STOM: variants seen among roughly 807,000 people sequenced by gnomAD.
STOM encodes the protein stomatin.
Under a neutral mutation model 30.6 loss-of-function variants are expected in STOM, and 25 were observed. That is an observed-to-expected ratio of 0.82 (90% CI 0.60 to 1.14). The LOEUF (loss-of-function observed/expected upper bound fraction) is 1.14, where lower values mean the gene tolerates loss of function less well. Among genes scored for constraint, STOM ranks in the 50% most tolerant of loss-of-function variants. STOM has a pLI of 0.00. For synonymous variants in STOM, 118 were observed against 130.8 expected, an observed-to-expected ratio of 0.90 and a Z score of 0.67; for missense variants, 292 against 365.2, an observed-to-expected ratio of 0.80 and a Z score of 1.63.
chr9:121,340,196 A>G lies in STOM; in HGVS notation c.*1006T>C. The G allele has an allele frequency of 1.0e-6, 1 of 985,474 alleles. No individual in the cohort carries two copies. Among genetic ancestry groups the G allele is most frequent in the South Asian group, 4.7e-5 (1 of 21,288 alleles). 61.0% of individuals were successfully genotyped at this position (985,474 alleles called of 1,614,324 possible). ...ATTTAGCTGGTTTGAAAGACAGAAC[A>G]AGGAGGAATCATTTACTCATAAAGA... is the stretch of plus-strand genomic sequence containing the variant. On this transcript the variant is annotated 3_prime_UTR_variant, in exon 7 of 7. Transcript: ENST00000286713.
intron 4 of STOM, among the ~76,000 whole-genome samples, chr9:121,350,029 T>A (rs906016766): frequency 6.6e-6 from 1 of 152,268 alleles, no homozygotes; most frequent in Non-Finnish European, 1.5e-5. Context: ...ATTAATGCGT[T>A]AAATACATTC....
intron 4 of STOM, among the ~76,000 whole-genome samples, chr9:121,352,592 T>C (rs1437261950): frequency 6.6e-6 from 1 of 152,222 alleles, no homozygotes; most frequent in African/African-American, 2.4e-5. Context: ...ACTGTAATAG[T>C]AACAGTAAGA....
chr9:121,369,300 T>C (rs1436161891), intron 1 of STOM, among the ~76,000 whole-genome samples: 1 of 152,176 alleles, frequency 6.6e-6, no homozygotes, highest in Non-Finnish European at 1.5e-5. Context: ...TGAAATTCCA[T>C]CTTTAGAAAC....
At chr9:121,352,952 G>T (rs1289249851) in intron 4 of STOM, among the ~76,000 whole-genome samples, 1 of 152,074 alleles carries the variant, frequency 6.6e-6, no homozygotes, top group Non-Finnish European at 1.5e-5. Flanking sequence ...AATTAGCCGG[G>T]CGTGGTGGCG....
At position 121,356,073 on chromosome 9, in the gene STOM, A is replaced by C; in HGVS notation, c.145T>G (p.Ser49Ala). The C allele has an allele frequency of 6.2e-7, 1 of 1,614,092 alleles. No individual in the cohort carries two copies. The highest frequency in any genetic ancestry group is 8.5e-7 in the Non-Finnish European group (1 of 1,179,984). Reference sequence around the variant, plus strand: ...TTTACCTTTATGCACATCCATATTGAGATTGGGAAAGTTATAACGGTGAAT... The same window carrying C: ...TTTACCTTTATGCACATCCATATTGCGATTGGGAAAGTTATAACGGTGAAT... ...FLFTVITFPI[S>A]IWMCIKIIKE... Residue 49 changes from serine (S) to alanine (A), a missense_variant, in exon 2 of 7, where the codon TCA (serine) becomes GCA (alanine). By Grantham distance (99) the Ser-to-Ala change is moderately conservative. Transcript: ENST00000286713.
Position 121,356,077 on chromosome 9 carries a change from T to G in STOM, c.141A>C (p.Pro47=), listed in dbSNP as rs766789820. ...FSFLFTVITF[P]ISIWMCIKII... ...CCTTTATGCACATCCATATTGAGAT[T>G]GGGAAAGTTATAACGGTGAATAAGA... Residue 47 remains proline (P), a synonymous_variant, in exon 2 of 7, where the codon CCA becomes CCC. Transcript: ENST00000286713. 6.2e-6 allele frequency: 10 copies of G among 1,614,082 alleles called. No individual in the cohort carries two copies. Among genetic ancestry groups the G allele is most frequent in the South Asian group, 1.1e-5 (1 of 91,082 alleles).
chr9:121,342,312 C>T (rs1284707903), intron 6 of STOM, among the ~76,000 whole-genome samples: 10 of 150,320 alleles, frequency 6.7e-5, no homozygotes, highest in African/African-American at 1.5e-4. Context: ...TGCAGTGAGC[C>T]GAGATCATGC....
At chr9:121,362,721 T>C (rs1378785212) in intron 1 of STOM, among the ~76,000 whole-genome samples, 1 of 152,216 alleles carries the variant, frequency 6.6e-6, no homozygotes, top group Non-Finnish European at 1.5e-5. Flanking sequence ...TTTACAAAAA[T>C]CTGTGAAGTA....
Position 121,340,055 on chromosome 9 carries a change from G to A in STOM, c.*1147C>T, listed in dbSNP as rs1027222932. The A allele has an allele frequency of 1.0e-6, 1 of 972,858 alleles. No individual in the cohort carries two copies. Among genetic ancestry groups the A allele is most frequent in the East Asian group, 1.1e-4 (1 of 8,774 alleles). The allele number at this position is 972,858 out of a possible 1,614,324, so 60.3% of individuals were successfully genotyped here. ...TTTTAGTCCTTCAGCTATTCAAATA[G>A]ATATATAACAATTGCATATAGAACG... On this transcript the variant is annotated 3_prime_UTR_variant, in exon 7 of 7. Coordinates refer to ENST00000286713, the MANE Select transcript of STOM (RefSeq NM_004099.6).
At chr9:121,357,182 T>C (rs1006067440) in intron 1 of STOM, among the ~76,000 whole-genome samples, 1 of 152,028 alleles carries the variant, frequency 6.6e-6, no homozygotes, top group East Asian at 1.9e-4. Context: ...TTACACAGGT[T>C]GTTTGATTTC....
intron 1 of STOM, chr9:121,366,160 A>C (rs185651136): frequency 1.0e-6 from 1 of 985,358 alleles, no homozygotes; most frequent in Admixed American, 6.1e-5. Context: ...TATAGTTTTC[A>C]TTGTCTGAGA....
At chr9:121,369,975 T>C in intron 1 of STOM, 152 bp downstream of exon 1, 1 of 673,590 alleles carries the variant, frequency 1.5e-6, no homozygotes, top group Non-Finnish European at 2.5e-6. Flanking sequence ...GGGTTCGTGA[T>C]GCTCAGTTTA....
chr9:121,348,167 G>A lies in STOM; in HGVS notation c.526-18C>T, dbSNP rs2064306321. On this transcript the variant is annotated intron_variant, in intron 5 of 6. Transcript: ENST00000286713. The stretch of plus-strand genomic sequence containing the variant: ...AGAGTAGACTGTTAGGAAGAGAGAA[G>A]GCAAGCTAAATCTCCTCAGCCCAGC... The A allele has an allele frequency of 1.2e-6, 2 of 1,614,018 alleles. No individual in the cohort carries two copies. Among genetic ancestry groups the A allele is most frequent in the Middle Eastern group, 1.7e-4 (1 of 6,042 alleles).
At chr9:121,363,307 C>T (rs142519466) in intron 1 of STOM, among the ~76,000 whole-genome samples, 37 of 152,260 alleles carry the variant, frequency 2.4e-4, no homozygotes, top group African/African-American at 8.9e-4. Context: ...TGCAGCAGCA[C>T]TTTTTAGGGG....
rs2064241353 is a variant in STOM at position 121,341,016 on chromosome 9, A to G, written c.*186T>C. The G allele has an allele frequency of 7.0e-7, 1 of 1,433,668 alleles. No individual in the cohort carries two copies. Among genetic ancestry groups the G allele is most frequent in the African/African-American group, 1.4e-5 (1 of 69,578 alleles). The allele number at this position is 1,433,668 out of a possible 1,614,324, so 88.8% of individuals were successfully genotyped here. A position where few individuals can be genotyped will look rare whatever the true frequency, so the allele number is the denominator to read the frequency against. On this transcript the variant is annotated 3_prime_UTR_variant, in exon 7 of 7. Transcript: ENST00000286713. ...TATTTTAAGACTAACAGATTACCTT[A>G]TATAAATCACCAATCTCTCAGTATT... is the stretch of plus-strand genomic sequence containing the variant.
At chr9:121,364,404 A>T (rs2064483990) in intron 1 of STOM, among the ~76,000 whole-genome samples, 1 of 152,158 alleles carries the variant, frequency 6.6e-6, no homozygotes, top group South Asian at 2.1e-4. Flanking sequence ...GCTACAGGCC[A>T]GATGGTATCA....
Position 121,349,324 on chromosome 9 carries a change from C to G in STOM, c.322-1G>C. 4 of 1,613,760 alleles carry G rather than the reference C, an allele frequency of 2.5e-6. No individual in the cohort carries two copies. Among genetic ancestry groups the G allele is most frequent in the Non-Finnish European group, 3.4e-6 (4 of 1,179,702 alleles). On this transcript the variant is annotated splice_acceptor_variant, in intron 4 of 6. Coordinates refer to ENST00000286713, the MANE Select transcript of STOM (RefSeq NM_004099.6). LOFTEE classifies it high-confidence loss of function. ...TTGTCACTGAATCCTTTGTGAGGAT[C>G]TACAAGATGAAGGAAGCAATTTTAC... is the stretch of plus-strand genomic sequence containing the variant.
intron 1 of STOM, among the ~76,000 whole-genome samples, chr9:121,356,839 T>C (rs2064396116): frequency 6.6e-6 from 1 of 152,004 alleles, no homozygotes; most frequent in African/African-American, 2.4e-5. Context: ...AAAAATTAGC[T>C]AGGCGTTGTG....
chr9:121,366,523 A>T (rs978208036), intron 1 of STOM, among the ~76,000 whole-genome samples: 2 of 152,174 alleles, frequency 1.3e-5, no homozygotes, highest in Non-Finnish European at 2.9e-5. Context: ...ACCCAGACAA[A>T]TAGTCTATCT....
Sources: allele counts gnomAD v4.1 joint callset (sites outside exome capture counted in the v4.1 genomes callset), GRCh38; gene constraint gnomAD v4.1.1; transcripts MANE v1.5; gene names NCBI Gene and HGNC (gene_info 2026-07-23, HGNC 2026-07-21).